Variants in PIGN observed in about 807,000 individuals in gnomAD.
The protein encoded by PIGN is phosphatidylinositol glycan anchor biosynthesis class N, also known as GPI ethanolamine phosphate transferase 1.
A neutral mutation model predicts 125.4 loss-of-function variants in PIGN; 117 were observed. That is an observed-to-expected ratio of 0.93 (90% CI 0.80 to 1.09). The LOEUF (loss-of-function observed/expected upper bound fraction) is 1.09. Among genes scored for constraint, PIGN ranks in the 50% least tolerant of loss-of-function variants. The probability of loss-of-function intolerance (pLI) is 0.00; values close to 1 mark genes in which losing one functional copy is unlikely to be tolerated. For synonymous variants in PIGN, 392 were observed against 377.8 expected (o/e 1.04, Z -0.44); for missense variants, 1,075 against 1,094.9 (o/e 0.98, Z 0.26).
intron 30 of PIGN, among the ~76,000 whole-genome samples, chr18:62,064,502 G>T (rs1568133454): frequency 1.3e-5 from 2 of 152,128 alleles, no homozygotes; most frequent in Non-Finnish European, 2.9e-5. Context: ...TCTGAAAAAC[G>T]ATCAATTTAT....
At chr18:62,164,062 G>C (rs1312631403) in intron 1 of PIGN, among the ~76,000 whole-genome samples, 3 of 151,986 alleles carry the variant, frequency 2.0e-5, no homozygotes, top group Admixed American at 6.6e-5. Context: ...ACCATGTTTT[G>C]GTTATCCAGT....
chr18:62,171,990 T>C (rs2037359834), intron 1 of PIGN, among the ~76,000 whole-genome samples: 1 of 152,174 alleles, frequency 6.6e-6, no homozygotes, highest in Non-Finnish European at 1.5e-5. Context: ...TGTTCCTTCT[T>C]GTACTTTTTG....
At chr18:62,123,557 TGAAAATAAGAGTGAG>T (rs1473965123) in intron 14 of PIGN, 1 of 152,124 alleles carries the variant, frequency 6.6e-6, no homozygotes, top group African/African-American at 2.4e-5. Context: ...AAAATCAGGA[TGAAAATAAGAGTGAG>T]GAAACTGAAA....
chr18:62,109,019 C>A (rs952930132), intron 17 of PIGN, among the ~76,000 whole-genome samples: 5 of 152,150 alleles, frequency 3.3e-5, no homozygotes, highest in African/African-American at 1.2e-4. Flanking sequence ...TGGGGATACC[C>A]TTATTATAAT....
chr18:62,036,148 G>A (rs2030257305), intron 23 of PIGN, among the ~76,000 whole-genome samples: 1 of 152,210 alleles, frequency 6.6e-6, no homozygotes, highest in Admixed American at 6.5e-5. Flanking sequence ...AGACTTCTGT[G>A]TGTACATAAT....
chr18:62,038,340 T>G (rs2030288966), downstream of PIGN, among the ~76,000 whole-genome samples: 1 of 136,790 alleles, frequency 7.3e-6, no homozygotes, highest in Admixed American at 8.1e-5. Flanking sequence ...AAAAGATTAC[T>G]TACTGGGAGG....
chr18:62,153,023 C>T (rs2036596755), intron 7 of PIGN, among the ~76,000 whole-genome samples: 1 of 151,888 alleles, frequency 6.6e-6, no homozygotes, highest in South Asian at 2.1e-4. Context: ...TGAGACCTGG[C>T]TCCCAGGCAG....
chr18:62,118,021 AAGT>A (rs1299768179), intron 14 of PIGN, among the ~76,000 whole-genome samples: 2 of 152,144 alleles, frequency 1.3e-5, no homozygotes, highest in Non-Finnish European at 2.9e-5. Context: ...TAGCTACTGC[AAGT>A]AGTACTGCAA....
At chr18:62,121,831 G>A (rs1046083311) in intron 14 of PIGN, among the ~76,000 whole-genome samples, 3 of 152,042 alleles carry the variant, frequency 2.0e-5, no homozygotes, top group African/African-American at 4.8e-5. Context: ...CAATAAACAC[G>A]GGAGTGCAGA....
At chr18:62,125,995 A>C (rs1274724877) in intron 14 of PIGN, among the ~76,000 whole-genome samples, 2 of 152,054 alleles carry the variant, frequency 1.3e-5, no homozygotes, top group Non-Finnish European at 2.9e-5. Context: ...GATTACTAGA[A>C]CCCATCAAGG....
At chr18:62,019,652 A>G (rs1289374995) in intron 23 of PIGN, among the ~76,000 whole-genome samples, 1 of 152,154 alleles carries the variant, frequency 6.6e-6, no homozygotes, top group Non-Finnish European at 1.5e-5. Flanking sequence ...TTTTCATTTC[A>G]ATCATTATTT....
rs1209362933 is a variant in PIGN at position 62,147,085 on chromosome 18, T to C, written c.691A>G (p.Ile231Val). 7 of 1,603,564 alleles carry C rather than the reference T, an allele frequency of 4.4e-6. No homozygotes were observed. The African/African-American group carries it at 8.0e-5, about 18-fold the overall frequency. ...TTAACTCCATCATCAACTTTTTTAATATTGTGCTTGTAGTCTCTATTTGTA... is the reference window on the plus strand; with the variant it reads ...TTAACTCCATCATCAACTTTTTTAACATTGTGCTTGTAGTCTCTATTTGTA... ...RPSSRDYKHN[I>V]KKVDDGVKEI... The change falls in exon 9 of 31, where the codon ATT becomes GTT. Residue 231 changes from isoleucine to valine, a missense_variant. Ile to Val is a conservative substitution (Grantham distance 29, BLOSUM62 3). Coordinates refer to ENST00000640252, the MANE Select transcript of PIGN (RefSeq NM_176787.5).
At position 62,173,014 on chromosome 18, in the gene PIGN, C is replaced by G. The variant is rs148246574; in HGVS notation, c.-235-9358G>C. ...AAAAATAACTAGATTGTGAAGCAACCCAACTCATATTTTTAAAATCAACCT... is the reference window on the plus strand; with the variant it reads ...AAAAATAACTAGATTGTGAAGCAACGCAACTCATATTTTTAAAATCAACCT... On this transcript the variant is annotated intron_variant, in intron 1 of 30. Transcript: ENST00000640252. Among the ~76,000 whole-genome samples, 232 of 152,182 alleles carry G rather than the reference C, an allele frequency of 1.5e-3. 1 individual carries two copies. Among genetic ancestry groups the G allele is most frequent in the African/African-American group, 5.2e-3 (216 of 41,518 alleles).
At chr18:62,159,835 C>T (rs2036877680) in intron 4 of PIGN, among the ~76,000 whole-genome samples, 1 of 152,150 alleles carries the variant, frequency 6.6e-6, no homozygotes, top group Non-Finnish European at 1.5e-5. Flanking sequence ...ATAAAACAGG[C>T]CAGGCACGGT....
At chr18:62,147,988 A>G (rs1485963230) in intron 8 of PIGN, among the ~76,000 whole-genome samples, 1 of 152,086 alleles carries the variant, frequency 6.6e-6, no homozygotes, top group South Asian at 2.1e-4. Context: ...ATTATGTAAT[A>G]TGTACAGGAT....
chr18:62,081,575 A>C (rs2033450334), intron 28 of PIGN, among the ~76,000 whole-genome samples: 1 of 152,140 alleles, frequency 6.6e-6, no homozygotes, highest in Non-Finnish European at 1.5e-5. Context: ...ACACGCACAA[A>C]TATAAGAATA....
intron 21 of PIGN, among the ~76,000 whole-genome samples, chr18:62,101,657 T>C (rs2034442204): frequency 6.6e-6 from 1 of 152,210 alleles, no homozygotes; most frequent in Admixed American, 6.5e-5. Context: ...ATTTAACTTG[T>C]GATGTAATCC....
At chr18:62,081,010 G>GA (rs970147655) in intron 28 of PIGN, among the ~76,000 whole-genome samples, 14 of 151,560 alleles carry the variant, frequency 9.2e-5, no homozygotes, top group African/African-American at 1.2e-4. Context: ...TTTAAGTTAT[G>GA]AAAAAAAACA....
intron 1 of PIGN, among the ~76,000 whole-genome samples, chr18:62,183,260 GA>G (rs11424248): frequency 3.3e-5 from 5 of 149,498 alleles, no homozygotes; most frequent in South Asian, 4.2e-4. Flanking sequence ...GTCACAGCTG[GA>G]AAAAAAAAAC....
Sources: allele counts gnomAD v4.1 joint callset (sites outside exome capture counted in the v4.1 genomes callset), GRCh38; gene constraint gnomAD v4.1.1; transcripts MANE v1.5; gene names NCBI Gene and HGNC (gene_info 2026-07-23, HGNC 2026-07-21).